Variants in ZNF366 observed in about 807,000 individuals in gnomAD.
ZNF366 encodes the protein zinc finger protein 366.
Under a neutral mutation model 47.2 loss-of-function variants are expected in ZNF366, and 20 were observed. The ratio of observed to expected loss-of-function variants is 0.42; its 90% CI spans 0.30 to 0.62. The LOEUF is 0.62. Among genes scored for constraint, ZNF366 ranks in the 20% least tolerant of loss-of-function variants. ZNF366 has a pLI of 0.16. For synonymous variants in ZNF366, 421 were observed against 395.1 expected (o/e 1.07, Z -0.78); for missense variants, 987 against 976.3 (o/e 1.01, Z -0.15).
chr5:72,461,420 G>A lies in ZNF366; in HGVS notation c.77C>T (p.Pro26Leu). The change falls in exon 2 of 5, where the codon CCC (proline) becomes CTC (leucine). Residue 26 changes from proline to leucine, a missense_variant. Coordinates refer to ENST00000318442, the MANE Select transcript of ZNF366 (RefSeq NM_152625.3). ...DLAVKKTPSF[P>L]HCLQPVASRG... ...AGAAGCCACTGGCTGCAGGCAGTGG[G>A]GAAAGGAGGGGGTCTTCTTCACAGC... 6.2e-7 allele frequency: 1 copy of A among 1,611,484 alleles called. No individual in the cohort carries two copies. The highest frequency in any genetic ancestry group is 1.7e-5 in the Admixed American group (1 of 59,936).
rs1431286457 is a variant in ZNF366 at position 72,440,996 on chromosome 5, A to G, written c.*2760T>C. The G allele has an allele frequency of 6.6e-6, 1 of 152,198 alleles. No individual in the cohort carries two copies. The highest frequency in any genetic ancestry group is 1.9e-4 in the East Asian group (1 of 5,204). 9.4% of individuals were successfully genotyped at this position (152,198 alleles called of 1,614,324 possible). ...CTTAGAATGCTAATGTATAAATCAG[A>G]TGGAACTTGAGCTGCTTGGAGTGAG... is the stretch of plus-strand genomic sequence containing the variant. On this transcript the variant is annotated 3_prime_UTR_variant, in exon 5 of 5. Coordinates refer to ENST00000318442, the MANE Select transcript of ZNF366 (RefSeq NM_152625.3).
chr5:72,462,326 G>A lies in ZNF366; in HGVS notation c.-14-816C>T, dbSNP rs1026735431. On this transcript the variant is annotated intron_variant, in intron 1 of 4. Coordinates refer to ENST00000318442, the MANE Select transcript of ZNF366 (RefSeq NM_152625.3). ...TATTATGTGAAATAAAGCCGCACATGGGTCTCTCCTTTCAGACAGGTGTCA... is the reference window on the plus strand; with the variant it reads ...TATTATGTGAAATAAAGCCGCACATAGGTCTCTCCTTTCAGACAGGTGTCA... Among the ~76,000 whole-genome samples the A allele has an allele frequency of 4.6e-5, 7 of 152,140 alleles. No individual in the cohort carries two copies. The South Asian group carries it at 1.2e-3, about 27-fold the overall frequency.
chr5:72,472,904 C>T (rs941101775), intron 1 of ZNF366, among the ~76,000 whole-genome samples: 1 of 152,146 alleles, frequency 6.6e-6, no homozygotes, highest in African/African-American at 2.4e-5. Flanking sequence ...AATCATGCCC[C>T]AGCCCTCAGA....
At chr5:72,448,438 TG>T (rs1743001876) in intron 3 of ZNF366, among the ~76,000 whole-genome samples, 1 of 152,216 alleles carries the variant, frequency 6.6e-6, no homozygotes. Context: ...CAGACTTCTC[TG>T]GGGGTGCTTT....
At chr5:72,468,226 A>C (rs1426387853) in intron 1 of ZNF366, among the ~76,000 whole-genome samples, 1 of 152,206 alleles carries the variant, frequency 6.6e-6, no homozygotes, top group Non-Finnish European at 1.5e-5. Flanking sequence ...CAAAAAAGTG[A>C]ATGTTCTGCC....
intron 4 of ZNF366, among the ~76,000 whole-genome samples, chr5:72,445,089 C>T (rs1287294674): frequency 2.0e-5 from 3 of 152,216 alleles, no homozygotes; most frequent in Non-Finnish European, 4.4e-5. Flanking sequence ...GTAGAGATGG[C>T]ATGAAGAGGT....
intron 1 of ZNF366, among the ~76,000 whole-genome samples, chr5:72,492,237 T>C (rs1371258484): frequency 1.3e-5 from 2 of 152,206 alleles, no homozygotes; most frequent in Non-Finnish European, 2.9e-5. Flanking sequence ...AGCGTATTAA[T>C]GTCCCTTATT....
In ZNF366 at chr5:72,447,180, G is replaced by A. The variant is rs982211625; in HGVS notation, c.1699+63C>T. 16 of 1,582,762 alleles carry A rather than the reference G, an allele frequency of 1.0e-5. 1 individual carries two copies. The highest frequency in any genetic ancestry group is 2.2e-5 in the East Asian group (1 of 44,574). On this transcript the variant is annotated intron_variant, in intron 4 of 4. Coordinates refer to ENST00000318442, the MANE Select transcript of ZNF366 (RefSeq NM_152625.3). ...CCCTCAAGGTAATGCCCCATAAAAC[G>A]AATTCAGCTCCCATTTGTTGTCCAC...
intron 1 of ZNF366, among the ~76,000 whole-genome samples, chr5:72,473,667 C>T (rs892522249): frequency 1.3e-5 from 2 of 152,190 alleles, no homozygotes; most frequent in Admixed American, 6.5e-5. Flanking sequence ...TCCCGGAAAC[C>T]TTTGCTCCCT....
intron 1 of ZNF366, among the ~76,000 whole-genome samples, chr5:72,481,326 A>G (rs1219655439): frequency 6.6e-6 from 1 of 152,224 alleles, no homozygotes; most frequent in Non-Finnish European, 1.5e-5. Flanking sequence ...TATCTAAGAA[A>G]GAAAATTAAA....
At chr5:72,464,427 T>G (rs574671436) in intron 1 of ZNF366, among the ~76,000 whole-genome samples, 1 of 152,344 alleles carries the variant, frequency 6.6e-6, no homozygotes, top group East Asian at 1.9e-4. Context: ...ACTAATTGTT[T>G]CCTTTTAATA....
intron 1 of ZNF366, among the ~76,000 whole-genome samples, chr5:72,500,088 G>A (rs1744186433): frequency 1.3e-5 from 2 of 152,176 alleles, no homozygotes; most frequent in Admixed American, 1.3e-4. Context: ...CGTGTGGACT[G>A]GCGTCTCCTC....
intron 1 of ZNF366, among the ~76,000 whole-genome samples, chr5:72,462,548 T>TGTC (rs1743343719): frequency 4.1e-5 from 1 of 24,492 alleles, no homozygotes; most frequent in Non-Finnish European, 7.3e-5. Flanking sequence ...TCTTTCTTTC[T>TGTC]TTTTTTTTTT....
At chr5:72,487,617 T>G (rs570530327) in intron 1 of ZNF366, among the ~76,000 whole-genome samples, 3 of 152,140 alleles carry the variant, frequency 2.0e-5, no homozygotes, top group South Asian at 4.1e-4. Flanking sequence ...TCAACTACCA[T>G]GCCCTTAGCC....
intron 1 of ZNF366, among the ~76,000 whole-genome samples, chr5:72,497,173 T>G (rs62360611): frequency 5.3e-5 from 8 of 152,044 alleles, no homozygotes; most frequent in Non-Finnish European, 8.8e-5. Flanking sequence ...AATGTTTTCA[T>G]GTATTTCATG....
At chr5:72,477,461 T>C (rs1194069716) in intron 1 of ZNF366, among the ~76,000 whole-genome samples, 1 of 152,236 alleles carries the variant, frequency 6.6e-6, no homozygotes, top group Non-Finnish European at 1.5e-5. Context: ...TTCTAGCTGC[T>C]ATTGATATCT....
chr5:72,486,198 G>A (rs978217367), intron 1 of ZNF366, among the ~76,000 whole-genome samples: 3 of 152,212 alleles, frequency 2.0e-5, no homozygotes, highest in Non-Finnish European at 4.4e-5. Context: ...GTGAGAGGTT[G>A]TTGCCTGGTA....
intron 1 of ZNF366, among the ~76,000 whole-genome samples, chr5:72,469,647 G>A (rs1286352260): frequency 6.6e-6 from 1 of 152,172 alleles, no homozygotes; most frequent in African/African-American, 2.4e-5. Context: ...AGAATATTGT[G>A]GGGGCAGGGA....
intron 1 of ZNF366, among the ~76,000 whole-genome samples, chr5:72,485,912 C>T (rs1032727638): frequency 7.9e-5 from 12 of 152,140 alleles, no homozygotes; most frequent in Non-Finnish European, 1.5e-4. Context: ...GTTCTTTCTG[C>T]CTGGACAGCT....
Sources: allele counts gnomAD v4.1 joint callset (sites outside exome capture counted in the v4.1 genomes callset), GRCh38; gene constraint gnomAD v4.1.1; transcripts MANE v1.5; gene names NCBI Gene and HGNC (gene_info 2026-07-23, HGNC 2026-07-21).